Variants in ATXN1 observed in about 807,000 individuals in gnomAD.
ATXN1 encodes ataxin 1, also known as ataxin-1.
A neutral mutation model predicts 56.4 loss-of-function variants in ATXN1; 8 were observed. The observed-to-expected ratio is 0.14, with a 90% CI of 0.08 to 0.26. The LOEUF (loss-of-function observed/expected upper bound fraction) is 0.26. Among genes scored for constraint, ATXN1 ranks in the 10% least tolerant of loss-of-function variants. ATXN1 has a pLI of 1.00. For synonymous variants in ATXN1, 514 were observed against 494.6 expected (o/e 1.04, Z -0.52); for missense variants, 987 against 1,106.5 (o/e 0.89, Z 1.53).
At chr6:16,518,543 GC>G (rs1761229025) in intron 5 of ATXN1, among the ~76,000 whole-genome samples, 1 of 152,062 alleles carries the variant, frequency 6.6e-6, no homozygotes, top group African/African-American at 2.4e-5. Context: ...TTGCATTCTG[GC>G]CCCCGTCTGC....
intron 2 of ATXN1, among the ~76,000 whole-genome samples, chr6:16,686,014 G>T (rs978729897): frequency 6.6e-6 from 1 of 151,992 alleles, no homozygotes; most frequent in African/African-American, 2.4e-5. Flanking sequence ...TCTTAATACC[G>T]AATATTCTTA....
chr6:16,638,681 T>C (rs138081071), intron 3 of ATXN1, among the ~76,000 whole-genome samples: 9 of 152,196 alleles, frequency 5.9e-5, no homozygotes, highest in African/African-American at 2.2e-4. Flanking sequence ...TGGTAAACAC[T>C]TTAGTATACA....
chr6:16,345,021 C>T (rs991835110), intron 6 of ATXN1, among the ~76,000 whole-genome samples: 11 of 152,190 alleles, frequency 7.2e-5, no homozygotes, highest in East Asian at 1.9e-4. Flanking sequence ...GGGTGCTGTC[C>T]GTCCTTGGTT....
At chr6:16,567,232 C>G (rs866185626) in intron 4 of ATXN1, among the ~76,000 whole-genome samples, 18 of 152,072 alleles carry the variant, frequency 1.2e-4, no homozygotes, top group African/African-American at 4.1e-4. Flanking sequence ...AAAAAACATG[C>G]CATTGAAATT....
At chr6:16,492,569 T>TG (rs1012895209) in intron 5 of ATXN1, among the ~76,000 whole-genome samples, 3 of 151,486 alleles carry the variant, frequency 2.0e-5, no homozygotes, top group African/African-American at 7.3e-5. Context: ...TTTTTTTTTT[T>TG]GCTTGAATCA....
chr6:16,716,985 A>G (rs1150628), intron 2 of ATXN1, among the ~76,000 whole-genome samples: 85,344 of 152,092 alleles, frequency 0.56, 24,251 homozygotes, highest in East Asian at 0.66. Flanking sequence ...TCCCCAACCA[A>G]GAACTTGACA....
rs533255691 is a variant in ATXN1 at position 16,435,572 on chromosome 6, A to C, written c.-161+50400T>G. Reference sequence around the variant, plus strand: ...GCAGAATTGGCAAAGCTGTGGAGAAAGTGAGATGAGAACTCCTATTAAAAA... The same window carrying C: ...GCAGAATTGGCAAAGCTGTGGAGAACGTGAGATGAGAACTCCTATTAAAAA... On this transcript the variant is annotated intron_variant, in intron 6 of 7. Transcript: ENST00000436367. 2.0e-5 allele frequency among the ~76,000 whole-genome samples: 3 copies of C among 152,160 alleles called. No individual in the cohort carries two copies. The South Asian group carries it at 6.3e-4, about 32-fold the overall frequency.
At chr6:16,362,675 G>C (rs1761835711) in intron 6 of ATXN1, among the ~76,000 whole-genome samples, 1 of 152,208 alleles carries the variant, frequency 6.6e-6, no homozygotes, top group African/African-American at 2.4e-5. Context: ...GTAAGTTTAA[G>C]TGTTCAGATC....
chr6:16,682,042 T>G (rs567930433), intron 2 of ATXN1, among the ~76,000 whole-genome samples: 32 of 152,146 alleles, frequency 2.1e-4, no homozygotes, highest in African/African-American at 7.7e-4. Context: ...CTGTTCTCCT[T>G]CCGAATGCCC....
At chr6:16,681,603 C>T (rs1758814252) in intron 2 of ATXN1, among the ~76,000 whole-genome samples, 1 of 152,232 alleles carries the variant, frequency 6.6e-6, no homozygotes, top group Non-Finnish European at 1.5e-5. Flanking sequence ...CGCTGCTGCA[C>T]ACCTCCGTCT....
At chr6:16,655,415 G>T (rs1368019926) in intron 3 of ATXN1, among the ~76,000 whole-genome samples, 1 of 152,146 alleles carries the variant, frequency 6.6e-6, no homozygotes, top group Non-Finnish European at 1.5e-5. Context: ...TCGGCTACTG[G>T]TCTGTGATGA....
intron 5 of ATXN1, among the ~76,000 whole-genome samples, chr6:16,516,933 C>A (rs1019732895): frequency 2.0e-5 from 3 of 152,188 alleles, no homozygotes; most frequent in Non-Finnish European, 2.9e-5. Flanking sequence ...TCATTTTCCC[C>A]AAAATTTAGT....
chr6:16,340,473 G>A (rs1187347760), intron 6 of ATXN1, among the ~76,000 whole-genome samples: 4 of 152,158 alleles, frequency 2.6e-5, no homozygotes, highest in Non-Finnish European at 5.9e-5. Flanking sequence ...CCCCATGTCT[G>A]GACCCCTCTA....
At chr6:16,407,667 T>A (rs1199011478) in intron 6 of ATXN1, among the ~76,000 whole-genome samples, 1 of 152,228 alleles carries the variant, frequency 6.6e-6, no homozygotes, top group African/African-American at 2.4e-5. Flanking sequence ...AAAGCTGTGC[T>A]CTTAAATCCC....
At chr6:16,556,218 A>G (rs1056275133) in intron 4 of ATXN1, among the ~76,000 whole-genome samples, 6 of 152,054 alleles carry the variant, frequency 3.9e-5, no homozygotes, top group African/African-American at 9.7e-5. Flanking sequence ...TATTTTGGGG[A>G]AAAAAACTAC....
chr6:16,430,706 GGT>G (rs554132123), intron 6 of ATXN1, among the ~76,000 whole-genome samples: 41 of 149,512 alleles, frequency 2.7e-4, no homozygotes, highest in Admixed American at 9.4e-4. Context: ...TGGTGCTGCT[GGT>G]GTGTGTGTGT....
At chr6:16,446,465 A>G (rs1022862834) in intron 6 of ATXN1, among the ~76,000 whole-genome samples, 1 of 152,222 alleles carries the variant, frequency 6.6e-6, no homozygotes, top group African/African-American at 2.4e-5. Context: ...TCCTGACATC[A>G]GCTTACTCGG....
In ATXN1 at chr6:16,307,748, T is replaced by G. The variant is rs76523673; in HGVS notation, c.1918-889A>C. Among the ~76,000 whole-genome samples, 1,188 of 151,550 alleles carry G rather than the reference T, an allele frequency of 7.8e-3. 15 individuals are homozygous for G. The highest frequency in any genetic ancestry group is 8.5e-3 in the Non-Finnish European group (574 of 67,914). On this transcript the variant is annotated intron_variant, in intron 7 of 7. Transcript: ENST00000436367. The stretch of plus-strand genomic sequence containing the variant: ...TAGACTAGGTAATTTGGACCAACCC[T>G]CCTTCTGAGGACAACTAAAAACTCT...
chr6:16,368,366 T>A (rs1290841691), intron 6 of ATXN1, among the ~76,000 whole-genome samples: 1 of 145,232 alleles, frequency 6.9e-6, no homozygotes, highest in Non-Finnish European at 1.5e-5. Flanking sequence ...TTTTTTTTTT[T>A]TGGTGATATG....
Sources: allele counts gnomAD v4.1 joint callset (sites outside exome capture counted in the v4.1 genomes callset), GRCh38; gene constraint gnomAD v4.1.1; transcripts MANE v1.5; gene names NCBI Gene and HGNC (gene_info 2026-07-23, HGNC 2026-07-21).